Variants in IFT172 observed in about 807,000 individuals in gnomAD.
The protein encoded by IFT172 is intraflagellar transport protein 172 homolog.
Under a neutral mutation model 248.9 loss-of-function variants are expected in IFT172, and 164 were observed. The observed-to-expected ratio is 0.66, with a 90% CI of 0.58 to 0.75. The LOEUF is 0.75. Ranked by LOEUF, IFT172 falls within the 30% of genes least tolerant of loss-of-function variation. The pLI is 0.00. For missense variants in IFT172, 1,950 were observed against 2,192.4 expected, an observed-to-expected ratio of 0.89 and a Z score of 2.21; for synonymous variants, 729 against 791.6, an observed-to-expected ratio of 0.92 and a Z score of 1.33.
chr2:27,474,016 C>A (rs1042462843), intron 14 of IFT172, among the ~76,000 whole-genome samples: 1 of 152,148 alleles, frequency 6.6e-6, no homozygotes. Flanking sequence ...CCACGTTGGT[C>A]AGGCTGGTCT....
intron 42 of IFT172, among the ~76,000 whole-genome samples, chr2:27,446,680 A>ATTTTTTTTTTT (rs766069964): frequency 2.5e-5 from 2 of 80,466 alleles, no homozygotes; most frequent in African/African-American, 5.1e-5. Context: ...TGCCTGGCTA[A>ATTTTTTTTTTT]TTTTTTTTTT....
rs745644146 is a variant in IFT172, at chr2:27,459,443, G to A, written c.2722C>T (p.Arg908Trp). 2.5e-5 allele frequency: 41 copies of A among 1,614,048 alleles called. No homozygotes were observed. The highest frequency in any genetic ancestry group is 2.4e-4 in the South Asian group (22 of 91,080). Residue 908 changes from arginine to tryptophan, a missense_variant, in exon 25 of 48, where the codon CGG (arginine) becomes TGG (tryptophan). By Grantham distance (101) the Arg-to-Trp change is moderately radical. This residue lies in a region of IFT172 where 1,166 missense variants were observed against 1,254.1 expected (regional missense o/e 0.93). Transcript: ENST00000260570. Reference sequence around the variant, plus strand: ...GGATAGTATTTGGATGCAGTGTTCCGGTCCTGTAGATCTAATATATAAATT... The same window carrying A: ...GGATAGTATTTGGATGCAGTGTTCCAGTCCTGTAGATCTAATATATAAATT... Reference protein sequence around the residue: ...KAIYILDLQDRNTASKYYPLV... With the variant: ...KAIYILDLQDWNTASKYYPLV...
At chr2:27,462,879 T>C (rs150296088) in intron 19 of IFT172, 86 bp from the exon 20 acceptor site, 14 of 1,378,272 alleles carry the variant, frequency 1.0e-5, no homozygotes, top group Middle Eastern at 3.6e-4. Context: ...CAGAAGGATG[T>C]AGAAAACAAA....
chr2:27,478,218 C>T, intron 10 of IFT172, 62 bp from the exon 11 acceptor site: 3 of 1,601,712 alleles, frequency 1.9e-6, no homozygotes, highest in Non-Finnish European at 2.6e-6. Context: ...GGTGAACAAC[C>T]ATGACCTTTG....
chr2:27,455,394 T>C, intron 30 of IFT172: 1 of 255,908 alleles, frequency 3.9e-6, no homozygotes, highest in South Asian at 3.9e-5. Context: ...AGATTTGATG[T>C]GCAAATCAGA....
intron 1 of IFT172, among the ~76,000 whole-genome samples, chr2:27,485,742 T>G (rs898908570): frequency 6.6e-6 from 1 of 152,172 alleles, no homozygotes; most frequent in African/African-American, 2.4e-5. Context: ...GGGTGCTAAG[T>G]CAACTGTATC....
In IFT172 at chr2:27,448,992, T is replaced by C. The variant is rs761701917; in HGVS notation, c.4351A>G (p.Thr1451Ala). 7 of 1,611,358 alleles carry C rather than the reference T, an allele frequency of 4.3e-6. No individual in the cohort carries two copies. Among genetic ancestry groups the C allele is most frequent in the Non-Finnish European group, 5.9e-6 (7 of 1,177,748 alleles). The change falls in exon 40 of 48, where the codon ACT becomes GCT. Residue 1451 changes from threonine (T) to alanine (A), a missense_variant. Thr to Ala is a moderately conservative substitution (Grantham distance 58). Around this residue, in one of 3 missense-constraint regions of IFT172, gnomAD observed 620 missense variants for 699.0 expected, o/e 0.89. Transcript: ENST00000260570. The part of the protein sequence containing the change: ...ILHKYVALYA[T>A]HLIREGSSAQ... ...GAGCTACCCTCCCGGATCAAGTGAG[T>C]TGCATACAAAGCCACATACTTGTGC...
chr2:27,476,588 G>A lies in IFT172; in HGVS notation c.1411+53C>T, dbSNP rs189769344. The A allele has an allele frequency of 3.5e-5, 38 of 1,098,018 alleles. No homozygotes were observed. In the Admixed American group the frequency reaches 6.8e-4, roughly 20 times the overall value. The allele number at this position is 1,098,018 out of a possible 1,614,324, so 68.0% of individuals were successfully genotyped here. On this transcript the variant is annotated intron_variant, in intron 14 of 47. Transcript: ENST00000260570. ...CTGAATGCAATCCTGTGGTATGGAAGTGTGATATAAACATCTATTTTGTTA... is the reference window on the plus strand; with the variant it reads ...CTGAATGCAATCCTGTGGTATGGAAATGTGATATAAACATCTATTTTGTTA...
chr2:27,471,459 G>C (rs553617187), intron 15 of IFT172, among the ~76,000 whole-genome samples: 1 of 152,262 alleles, frequency 6.6e-6, no homozygotes, highest in Non-Finnish European at 1.5e-5. Flanking sequence ...AAAGTCATCA[G>C]GTTGTCTCTT....
chr2:27,472,306 A>G lies in IFT172; in HGVS notation c.1468T>C (p.Trp490Arg). The change falls in exon 15 of 48, where the codon TGG (tryptophan) becomes CGG (arginine). Residue 490 changes from tryptophan to arginine, a missense_variant. Coordinates refer to ENST00000260570, the MANE Select transcript of IFT172 (RefSeq NM_015662.3). ...TGTCCAGTCTCATTAAGTTCCAGCC[A>G]ATCCACACGGCTCTCATGGCTGACG... ...GTVSHESRVD[W>R]LELNETGHKL... 1.2e-6 allele frequency: 2 copies of G among 1,614,036 alleles called. No individual in the cohort carries two copies. Among genetic ancestry groups the G allele is most frequent in the Non-Finnish European group, 1.7e-6 (2 of 1,180,014 alleles).
rs761286001 is a variant in IFT172 at position 27,449,820 on chromosome 2, C to A, written c.4051-20G>T. ...TGCAGCCTGCACAGTGGGAAATCAG[C>A]GTGGAGACTTTCTCCTCGCTCCCAG... On this transcript the variant is annotated intron_variant, in intron 36 of 47. Coordinates refer to ENST00000260570, the MANE Select transcript of IFT172 (RefSeq NM_015662.3). 2.5e-6 allele frequency: 4 copies of A among 1,570,840 alleles called. No homozygotes were observed. The highest frequency in any genetic ancestry group is 2.6e-6 in the Non-Finnish European group (3 of 1,146,028).
rs76677863 is a variant in IFT172 at position 27,468,862 on chromosome 2, G to GA, written c.1692+2065dup. 4.5e-3 allele frequency among the ~76,000 whole-genome samples: 581 copies of GA among 127,880 alleles called. 6 individuals carry two copies. The highest frequency in any genetic ancestry group is 0.015 in the African/African-American group (514 of 34,794). The allele number at this position is 127,880 out of a possible 152,430, so 83.9% of individuals were successfully genotyped here. A position where few individuals can be genotyped will look rare whatever the true frequency, so the allele number is the denominator to read the frequency against. ...ACACTCCGTCTCAAAAAAAAAAAAA[G>GA]AAAAAAAAAAAGAGAAACCAAAGAG... is the stretch of plus-strand genomic sequence containing the variant. On this transcript the variant is annotated intron_variant, in intron 16 of 47. Coordinates refer to ENST00000260570, the MANE Select transcript of IFT172 (RefSeq NM_015662.3).
At chr2:27,460,957 G>A (rs1666609937) in intron 23 of IFT172, 58 bp downstream of exon 23, 3 of 1,608,214 alleles carry the variant, frequency 1.9e-6, no homozygotes. Flanking sequence ...AGAGGTGCCA[G>A]GGAACCAGAT....
In IFT172 at chr2:27,456,532, A is replaced by G. The variant is rs1399274328; in HGVS notation, c.3350T>C (p.Val1117Ala). ...LNKLGLLEAA[V>A]DHAADNCSFE... is the part of the protein sequence containing the mutation. ...TCACCAATTGTCTGCAGCGTGGTCA[A>G]CAGCAGCTTCCAGGAGTCCCAGCTT... The change falls in exon 30 of 48, where the codon GTT (valine) becomes GCT (alanine). Residue 1117 changes from valine to alanine, a missense_variant. Physicochemically the swap from Val to Ala is moderately conservative, Grantham distance 64. Transcript: ENST00000260570. 6.2e-7 allele frequency: 1 copy of G among 1,613,826 alleles called. No individual in the cohort carries two copies. Among genetic ancestry groups the G allele is most frequent in the Non-Finnish European group, 8.5e-7 (1 of 1,179,972 alleles).
intron 30 of IFT172, chr2:27,455,479 C>A: frequency 5.1e-6 from 1 of 197,560 alleles, no homozygotes; most frequent in Non-Finnish European, 1.0e-5. Flanking sequence ...GAGGCCAAGG[C>A]AGGTGGATCA....
rs765828758 is a variant in IFT172, at chr2:27,476,664, ATAAGAT to A, written c.1382_1387del (p.Tyr461_Ile463delinsPhe). On this transcript the variant is annotated inframe_deletion, in exon 14 of 48. Transcript: ENST00000260570. ...ACCTATAGCAATAGTCTTAATATCA[ATAAGAT>A]AAGCCAATTTCTTATTATCTTCTGT... The A allele has an allele frequency of 1.2e-6, 2 of 1,602,676 alleles. No homozygotes were observed. Among genetic ancestry groups the A allele is most frequent in the Non-Finnish European group, 1.7e-6 (2 of 1,169,700 alleles).
chr2:27,465,234 TA>T, intron 18 of IFT172, 176 bp downstream of exon 18: 1 of 622,724 alleles, frequency 1.6e-6, no homozygotes, highest in South Asian at 1.9e-5. Context: ...CATACTCTTA[TA>T]ATCTAGGATG....
In IFT172 at chr2:27,459,432, T is replaced by C. The variant is rs777283363; in HGVS notation, c.2733A>G (p.Ala911=). The C allele has an allele frequency of 1.9e-6, 3 of 1,614,108 alleles. No individual in the cohort carries two copies. ...GGGCCACGAGAGGATAGTATTTGGA[T>C]GCAGTGTTCCGGTCCTGTAGATCTA... The part of the protein sequence containing the change: ...YILDLQDRNT[A]SKYYPLVAQH... The change falls in exon 25 of 48, where the codon GCA becomes GCG. Residue 911 remains alanine, a synonymous_variant. Coordinates refer to ENST00000260570, the MANE Select transcript of IFT172 (RefSeq NM_015662.3).
At chr2:27,470,454 A>G (rs1667478066) in intron 16 of IFT172, among the ~76,000 whole-genome samples, 1 of 151,900 alleles carries the variant, frequency 6.6e-6, no homozygotes. Flanking sequence ...ATACACACAC[A>G]CTCCTAGCCT....
Sources: gnomAD v4.1 joint callset for allele counts (sites outside exome capture counted in the v4.1 genomes callset) on GRCh38, gnomAD v4.1.1 for gene constraint, gnomAD v4.1.1 regional missense constraint, MANE v1.5 for transcripts, NCBI Gene and HGNC (gene_info 2026-07-23, HGNC 2026-07-21) for gene names.